The following TRHDE variants were observed in gnomAD, a reference collection of about 807,000 sequenced individuals.
TRHDE encodes the protein thyrotropin releasing hormone degrading enzyme.
In TRHDE, 72 loss-of-function variants were observed where a neutral mutation model predicts 125.7. The observed-to-expected ratio is 0.57, with a 90% CI of 0.47 to 0.70. The LOEUF (loss-of-function observed/expected upper bound fraction) is 0.70. Ranked by LOEUF, TRHDE falls within the 30% of genes least tolerant of loss-of-function variation. The pLI is 0.00. For missense variants in TRHDE, 1,110 were observed against 1,327.1 expected, an observed-to-expected ratio of 0.84 and a Z score of 2.54; for synonymous variants, 509 against 509.1, an observed-to-expected ratio of 1.00 and a Z score of 0.00.
At chr12:72,352,678 T>C (rs1053787967) in intron 2 of TRHDE, among the ~76,000 whole-genome samples, 2 of 151,792 alleles carry the variant, frequency 1.3e-5, no homozygotes, top group Non-Finnish European at 2.9e-5. Context: ...TAGGGTTCAT[T>C]GCATAGATTT....
chr12:72,386,911 T>C (rs1453032332), intron 3 of TRHDE, among the ~76,000 whole-genome samples: 1 of 152,170 alleles, frequency 6.6e-6, no homozygotes, highest in African/African-American at 2.4e-5. Flanking sequence ...TGGCCACTCT[T>C]TCTAAGTCTT....
At chr12:72,246,653 TG>T (rs1878581207) in intron 2 of TRHDE, among the ~76,000 whole-genome samples, 1 of 152,222 alleles carries the variant, frequency 6.6e-6, no homozygotes, top group South Asian at 2.1e-4. Context: ...GGACACTCCC[TG>T]AAGGGCCAAA....
chr12:72,258,530 T>A (rs747706474), intron 2 of TRHDE, among the ~76,000 whole-genome samples: 2 of 152,152 alleles, frequency 1.3e-5, no homozygotes, highest in Admixed American at 6.5e-5. Context: ...AAGAATAAAG[T>A]GGGTTTTATT....
In TRHDE at chr12:72,621,616, A is replaced by C. The variant is rs1010723053; in HGVS notation, c.2568-28A>C. The C allele has an allele frequency of 4.0e-6, 6 of 1,509,528 alleles. No homozygotes were observed. In the Admixed American group the frequency reaches 1.1e-4, roughly 29 times the overall value. The allele number at this position is 1,509,528 out of a possible 1,614,324, so 93.5% of individuals were successfully genotyped here. ...AATGAATTTCCCTAACTTTCTTTTT[A>C]ATTTGTTTCCCTTTTGATGATATCT... On this transcript the variant is annotated intron_variant, in intron 14 of 18. Coordinates refer to ENST00000261180, the MANE Select transcript of TRHDE (RefSeq NM_013381.3).
intron 2 of TRHDE, among the ~76,000 whole-genome samples, chr12:72,376,511 G>A (rs966723337): frequency 1.3e-5 from 2 of 152,122 alleles, no homozygotes; most frequent in African/African-American, 2.4e-5. Context: ...CAAAATGTTG[G>A]TGACTGTAGA....
intron 12 of TRHDE, among the ~76,000 whole-genome samples, chr12:72,606,758 G>T (rs549538952): frequency 6.6e-6 from 1 of 152,204 alleles, no homozygotes; most frequent in African/African-American, 2.4e-5. Context: ...TAATGAAACT[G>T]CTGTATCAGT....
chr12:72,422,562 T>A (rs934900385), intron 3 of TRHDE, among the ~76,000 whole-genome samples: 2 of 152,192 alleles, frequency 1.3e-5, no homozygotes, highest in African/African-American at 4.8e-5. Flanking sequence ...CAATATTATA[T>A]CTTTAAAGAA....
At chr12:72,380,646 C>A (rs531530294) in intron 3 of TRHDE, among the ~76,000 whole-genome samples, 1 of 152,084 alleles carries the variant, frequency 6.6e-6, no homozygotes, top group Non-Finnish European at 1.5e-5. Flanking sequence ...GTAGATGACA[C>A]GGTCAAGGAG....
At chr12:72,288,867 A>G (rs1879988474) in intron 2 of TRHDE, among the ~76,000 whole-genome samples, 1 of 152,186 alleles carries the variant, frequency 6.6e-6, no homozygotes, top group Non-Finnish European at 1.5e-5. Flanking sequence ...TGTAGAAATG[A>G]TAAAACATGC....
intron 2 of TRHDE, among the ~76,000 whole-genome samples, chr12:72,153,410 A>G (rs1473102144): frequency 6.6e-6 from 1 of 151,826 alleles, no homozygotes; most frequent in Non-Finnish European, 1.5e-5. Flanking sequence ...TTCTGCTCTG[A>G]TCTTAGTTAT....
At chr12:72,408,373 C>G (rs1218448498) in intron 3 of TRHDE, among the ~76,000 whole-genome samples, 2 of 152,168 alleles carry the variant, frequency 1.3e-5, no homozygotes, top group Non-Finnish European at 2.9e-5. Context: ...ATTTACTAGA[C>G]TGGTGGTTCT....
chr12:72,160,333 C>T (rs907671721), intron 2 of TRHDE, among the ~76,000 whole-genome samples: 8 of 152,100 alleles, frequency 5.3e-5, no homozygotes, highest in Non-Finnish European at 7.4e-5. Context: ...TTCTTAAGCC[C>T]CCATCCCAGG....
In TRHDE at chr12:72,308,521, C is replaced by T. The variant is rs115004398; in HGVS notation, c.1188+21567C>T. ...GCTTGTTAGATAAAATGAGATTACA[C>T]GTAAAAAGTACCTGGCTTGTGAAGG... On this transcript the variant is annotated intron_variant, in intron 2 of 18. Transcript: ENST00000261180. Among the ~76,000 whole-genome samples the T allele has an allele frequency of 9.2e-3, 1,406 of 152,028 alleles. 24 individuals are homozygous for T. Among genetic ancestry groups the T allele is most frequent in the African/African-American group, 0.032 (1,338 of 41,474 alleles).
intron 10 of TRHDE, among the ~76,000 whole-genome samples, chr12:72,572,991 A>G (rs1485517277): frequency 6.6e-6 from 1 of 152,008 alleles, no homozygotes; most frequent in Non-Finnish European, 1.5e-5. Flanking sequence ...CTTTAACATT[A>G]TAACTTTTTG....
At position 72,560,546 on chromosome 12, in the gene TRHDE, G is replaced by A. The variant is rs960871195; in HGVS notation, c.1789-1619G>A. On this transcript the variant is annotated intron_variant, in intron 7 of 18. Transcript: ENST00000261180. ...ATCACTAAAATAAAATGCAAGTTAG[G>A]CCTGGTGGCTAAGGCCTGTAATCGC... 3.3e-5 allele frequency: 5 copies of A among 152,242 alleles called. No homozygotes were observed. The East Asian group carries it at 9.7e-4, about 29-fold the overall frequency. The allele number at this position is 152,242 out of a possible 1,614,324, so 9.4% of individuals were successfully genotyped here.
chr12:72,513,463 G>A (rs1208524741), intron 6 of TRHDE, among the ~76,000 whole-genome samples: 1 of 151,964 alleles, frequency 6.6e-6, no homozygotes, highest in Non-Finnish European at 1.5e-5. Context: ...TTCTTTCGTG[G>A]GAGGCTAAGG....
At chr12:72,331,105 T>G (rs571354490) in intron 2 of TRHDE, among the ~76,000 whole-genome samples, 1 of 152,358 alleles carries the variant, frequency 6.6e-6, no homozygotes, top group Non-Finnish European at 1.5e-5. Flanking sequence ...AATTCACATC[T>G]GTTATCTCAT....
intron 12 of TRHDE, among the ~76,000 whole-genome samples, chr12:72,609,161 T>C (rs1024344328): frequency 6.6e-6 from 1 of 152,208 alleles, no homozygotes; most frequent in Non-Finnish European, 1.5e-5. Context: ...ACTAAAAACA[T>C]GTACTCAGAG....
chr12:72,255,866 C>G (rs1441395092), intron 2 of TRHDE: 1 of 152,182 alleles, frequency 6.6e-6, no homozygotes, highest in Non-Finnish European at 1.5e-5. Context: ...TCTAGCTGCT[C>G]AGATCAAACA....
Sources: allele counts gnomAD v4.1 joint callset (sites outside exome capture counted in the v4.1 genomes callset), GRCh38; gene constraint gnomAD v4.1.1; transcripts MANE v1.5; gene names NCBI Gene and HGNC (gene_info 2026-07-23, HGNC 2026-07-21).